Variants in PARL observed in about 807,000 individuals in gnomAD.
The protein encoded by PARL is presenilin-associated rhomboid-like protein, mitochondrial.
A neutral mutation model predicts 51.6 loss-of-function variants in PARL; 44 were observed. The observed-to-expected ratio is 0.85, with a 90% CI of 0.67 to 1.10. The LOEUF is 1.10. Among genes scored for constraint, PARL ranks in the 50% least tolerant of loss-of-function variants. The pLI, the probability that PARL is intolerant of heterozygous loss-of-function variation, is 0.00. For synonymous variants in PARL, 172 were observed against 164.0 expected (o/e 1.05, Z -0.37); for missense variants, 441 against 469.5 (o/e 0.94, Z 0.56).
intron 1 of PARL, among the ~76,000 whole-genome samples, chr3:183,871,174 C>T (rs960229331): frequency 2.6e-5 from 4 of 151,978 alleles, no homozygotes; most frequent in African/African-American, 7.3e-5. Flanking sequence ...TGGTACTATA[C>T]TCAAAGTAAG....
At chr3:183,854,996 G>A (rs1186310732) in intron 4 of PARL, among the ~76,000 whole-genome samples, 1 of 152,122 alleles carries the variant, frequency 6.6e-6, no homozygotes, top group African/African-American at 2.4e-5. Flanking sequence ...GATATATACT[G>A]CAACACGAGT....
At chr3:183,859,342 TTTG>T (rs1451847145) in intron 4 of PARL, among the ~76,000 whole-genome samples, 4 of 152,052 alleles carry the variant, frequency 2.6e-5, no homozygotes, top group Non-Finnish European at 4.4e-5. Context: ...AGGGGAGGTT[TTTG>T]TTGTTGTTTT....
intron 7 of PARL, 119 bp downstream of exon 7, chr3:183,840,451 G>A (rs1577297613): frequency 1.7e-6 from 1 of 573,014 alleles, no homozygotes; most frequent in Admixed American, 3.3e-5. Context: ...TTAGTTAACA[G>A]TAGGGTGAAG....
intron 4 of PARL, among the ~76,000 whole-genome samples, chr3:183,859,932 G>C (rs866190091): frequency 6.6e-6 from 1 of 151,938 alleles, no homozygotes. Context: ...ATCTTTAACC[G>C]ACTAGAGCTT....
chr3:183,849,143 G>A (rs181240065), intron 4 of PARL, among the ~76,000 whole-genome samples: 3 of 152,256 alleles, frequency 2.0e-5, no homozygotes, highest in Admixed American at 6.5e-5. Context: ...TAAATGATCA[G>A]CAAGGAAGCA....
At chr3:183,857,685 A>AATTTTC (rs1411900775) in intron 4 of PARL, among the ~76,000 whole-genome samples, 2 of 152,192 alleles carry the variant, frequency 1.3e-5, no homozygotes, top group Admixed American at 1.3e-4. Flanking sequence ...CCTCTATTCC[A>AATTTTC]ATTTTCATCT....
In PARL at chr3:183,869,776, A is replaced by G. The variant is rs182869564; in HGVS notation, c.126-1716T>C. The stretch of plus-strand genomic sequence containing the variant: ...ACCTGAATGACTTCTAAGCATGTAA[A>G]TGATTCAAATTTATTTTAGTCCTAA... On this transcript the variant is annotated intron_variant, in intron 1 of 9. Transcript: ENST00000317096. Among the ~76,000 whole-genome samples, 101 of 152,228 alleles carry G rather than the reference A, an allele frequency of 6.6e-4. 1 individual carries two copies. Among genetic ancestry groups the G allele is most frequent in the African/African-American group, 1.8e-3 (73 of 41,538 alleles).
chr3:183,837,337 C>G (rs774761247), intron 7 of PARL, among the ~76,000 whole-genome samples: 2 of 151,992 alleles, frequency 1.3e-5, no homozygotes, highest in Non-Finnish European at 2.9e-5. Flanking sequence ...TAGTCAAGGA[C>G]CAAAAAAAGA....
chr3:183,860,590 C>T lies in PARL; in HGVS notation c.511+2163G>A, dbSNP rs75366677. 2.7e-3 allele frequency among the ~76,000 whole-genome samples: 415 copies of T among 152,234 alleles called. 1 individual carries two copies. The highest frequency in any genetic ancestry group is 9.4e-3 in the African/African-American group (390 of 41,558). On this transcript the variant is annotated intron_variant, in intron 4 of 9. Coordinates refer to ENST00000317096, the MANE Select transcript of PARL (RefSeq NM_018622.7). ...GATTTGATTTCAAAAAAGAAAAAGACTAGGGGGAAAGAATTCTGATTTTTA... is the reference window on the plus strand; with the variant it reads ...GATTTGATTTCAAAAAAGAAAAAGATTAGGGGGAAAGAATTCTGATTTTTA...
chr3:183,859,374 A>G (rs1731543168), intron 4 of PARL, among the ~76,000 whole-genome samples: 1 of 152,126 alleles, frequency 6.6e-6, no homozygotes, highest in Non-Finnish European at 1.5e-5. Flanking sequence ...GTCTCACTCT[A>G]CTGCCCAGGC....
At position 183,871,163 on chromosome 3, in the gene PARL, ATGGTACTATACTCAAAGTAAGG is replaced by A. The variant is rs1413403065; in HGVS notation, c.126-3125_126-3104del. 1.7e-4 allele frequency among the ~76,000 whole-genome samples: 26 copies of A among 152,290 alleles called. 1 individual carries two copies. The East Asian group carries it at 2.3e-3, about 14-fold the overall frequency. The stretch of plus-strand genomic sequence containing the variant: ...TTTATTGTGAGTAACTCAAAGTAAG[ATGGTACTATACTCAAAGTAAGG>A]TGGTACTATACTCAAAGTAAGGTAG... On this transcript the variant is annotated intron_variant, in intron 1 of 9. Transcript: ENST00000317096.
At chr3:183,876,080 C>G (rs1302225066) in intron 1 of PARL, among the ~76,000 whole-genome samples, 1 of 152,216 alleles carries the variant, frequency 6.6e-6, no homozygotes, top group Admixed American at 6.5e-5. Context: ...GAGTCTCACT[C>G]TGTCGCCCAG....
chr3:183,861,746 T>C (rs1008935104), intron 4 of PARL, among the ~76,000 whole-genome samples: 3 of 152,110 alleles, frequency 2.0e-5, no homozygotes, highest in Non-Finnish European at 4.4e-5. Flanking sequence ...TAGAAATAAT[T>C]TTTTCTTTTC....
At chr3:183,877,367 T>A (rs1015615401) in intron 1 of PARL, among the ~76,000 whole-genome samples, 4 of 152,252 alleles carry the variant, frequency 2.6e-5, no homozygotes, top group African/African-American at 9.6e-5. Flanking sequence ...AATCTACTCC[T>A]GGTGAAGACA....
At chr3:183,883,537 T>C (rs111516298) in intron 1 of PARL, 51,590 of 940,608 alleles carry the variant, frequency 0.055, 1,477 homozygotes, top group Middle Eastern at 0.067. Flanking sequence ...CCCAAAGTGC[T>C]AGGATTACAG....
chr3:183,878,951 CCT>C (rs1356758770), intron 1 of PARL, among the ~76,000 whole-genome samples: 5 of 152,086 alleles, frequency 3.3e-5, no homozygotes, highest in Admixed American at 3.3e-4. Flanking sequence ...TTGCCAAACC[CCT>C]GTCCTAGATG....
At chr3:183,837,680 T>C (rs563173131) in intron 7 of PARL, among the ~76,000 whole-genome samples, 1 of 152,250 alleles carries the variant, frequency 6.6e-6, no homozygotes, top group South Asian at 2.1e-4. Flanking sequence ...CCTCTCCTCA[T>C]CAGAACAGTG....
downstream of PARL, among the ~76,000 whole-genome samples, chr3:183,828,414 C>T (rs1209138422): frequency 6.6e-6 from 1 of 152,252 alleles, no homozygotes; most frequent in African/African-American, 2.4e-5. Flanking sequence ...AGTGCCCCTA[C>T]ACCACGTGTG....
chr3:183,840,876 G>A (rs1483057702), intron 6 of PARL, among the ~76,000 whole-genome samples: 2 of 151,924 alleles, frequency 1.3e-5, no homozygotes. Context: ...ATCCAGCCAT[G>A]AAAATGGTTT....
Sources: allele counts gnomAD v4.1 joint callset (sites outside exome capture counted in the v4.1 genomes callset), GRCh38; gene constraint gnomAD v4.1.1; transcripts MANE v1.5; gene names NCBI Gene and HGNC (gene_info 2026-07-23, HGNC 2026-07-21).